SPATC1: variants seen among roughly 807,000 people sequenced by gnomAD.
SPATC1 encodes spermatogenesis and centriole associated 1.
SPATC1 carries 35 observed loss-of-function variants against 36.5 expected under a neutral mutation model. That is an observed-to-expected ratio of 0.96 (90% CI 0.73 to 1.27). The LOEUF (loss-of-function observed/expected upper bound fraction) is 1.27. Among genes scored for constraint, SPATC1 ranks in the 50% most tolerant of loss-of-function variants. The pLI is 0.00. For missense variants in SPATC1, 779 were observed against 796.0 expected (o/e 0.98, Z 0.26); for synonymous variants, 361 against 353.6 (o/e 1.02, Z -0.24).
In SPATC1 at chr8:144,016,059, T is replaced by C. The variant is rs1834384045; in HGVS notation, c.211+3333T>C. Among the ~76,000 whole-genome samples, 1 of 136,118 alleles carries C rather than the reference T, an allele frequency of 7.3e-6. No homozygotes were observed. The highest frequency in any genetic ancestry group is 2.1e-4 in the East Asian group (1 of 4,822). The allele number at this position is 136,118 out of a possible 152,430, so 89.3% of individuals were successfully genotyped here. A position where few individuals can be genotyped will look rare whatever the true frequency, so the allele number is the denominator to read the frequency against. ...CCTGGGCTGGAGACTTTTGAGACTC[T>C]GTCTCAAAAAAAAAAAAAAGAAAAA... On this transcript the variant is annotated intron_variant, in intron 1 of 4. Transcript: ENST00000377470. The surrounding 1 kb of genome is among the most constrained non-coding windows in gnomAD (Gnocchi z 4.5).
intron 1 of SPATC1, among the ~76,000 whole-genome samples, chr8:144,037,133 C>T (rs1301320489): frequency 3.4e-5 from 4 of 116,330 alleles, no homozygotes; most frequent in Admixed American, 2.4e-4. Context: ...CCGCCCCGTC[C>T]GGGAGGGAGG....
At chr8:144,044,512 G>A (rs1196052731) in intron 4 of SPATC1, among the ~76,000 whole-genome samples, 3 of 150,284 alleles carry the variant, frequency 2.0e-5, no homozygotes, top group Admixed American at 2.0e-4. Context: ...GTTTCACAGT[G>A]TTCGCCAGGA....
chr8:144,047,023 A>G lies in SPATC1; in HGVS notation c.*67A>G. The G allele has an allele frequency of 6.6e-7, 1 of 1,523,336 alleles. No individual in the cohort carries two copies. The highest frequency in any genetic ancestry group is 1.8e-5 in the Admixed American group (1 of 54,148). 94.4% of individuals were successfully genotyped at this position (1,523,336 alleles called of 1,614,324 possible). On this transcript the variant is annotated 3_prime_UTR_variant, in exon 5 of 5. Transcript: ENST00000377470. This position sits in a 1 kb window ranked among gnomAD's most constrained non-coding sequence, Gnocchi z 4.1. ...CTGTGCACGGCCATTAAAGCTTCCC[A>G]CAGACACTGGTCGCTGGGCCTGTGC...
rs797036957 is a variant in SPATC1, at chr8:144,043,299, A to AT, written c.1446+1941dup. Among the ~76,000 whole-genome samples, 682 of 127,798 alleles carry AT rather than the reference A, an allele frequency of 5.3e-3. 2 individuals carry two copies. Among genetic ancestry groups the AT allele is most frequent in the African/African-American group, 8.6e-3 (275 of 31,820 alleles). 83.8% of individuals were successfully genotyped at this position (127,798 alleles called of 152,430 possible). On this transcript the variant is annotated intron_variant, in intron 4 of 4. Transcript: ENST00000377470. ...CGTGAGCCACGGTGCCCAGCCTTACATTTTTTTTTTTTTGCTCTGTCACCC... is the reference window on the plus strand; with the variant it reads ...CGTGAGCCACGGTGCCCAGCCTTACATTTTTTTTTTTTTTGCTCTGTCACCC...
chr8:144,017,157 C>T (rs115079341), intron 1 of SPATC1, among the ~76,000 whole-genome samples: 5,313 of 152,140 alleles, frequency 0.035, 340 homozygotes, highest in African/African-American at 0.12. Flanking sequence ...ACCCTAACTG[C>T]TTGGATGTGA....
chr8:144,037,194 G>T (rs1380839278), intron 1 of SPATC1, among the ~76,000 whole-genome samples: 16 of 142,522 alleles, frequency 1.1e-4, no homozygotes, highest in Non-Finnish European at 2.0e-4. Context: ...GGAGGGAGGT[G>T]GGGGGGTCAG....
intron 4 of SPATC1, among the ~76,000 whole-genome samples, chr8:144,042,311 A>ATTTTTTTTTTTTTTTTTT (rs1184651892): frequency 4.2e-5 from 1 of 23,882 alleles, no homozygotes; most frequent in African/African-American, 2.4e-4. Flanking sequence ...ATATATATAT[A>ATTTTTTTTTTTTTTTTTT]TTTTTTTTTT....
At position 144,016,321 on chromosome 8, in the gene SPATC1, G is replaced by A. The variant is rs941797091; in HGVS notation, c.211+3595G>A. Among the ~76,000 whole-genome samples, 1 of 152,208 alleles carries A rather than the reference G, an allele frequency of 6.6e-6. No homozygotes were observed. The highest frequency in any genetic ancestry group is 1.9e-4 in the East Asian group (1 of 5,176). ...TCTGCTTTGACGGTGTGTGATTTGT[G>A]AGTGAATGTGTGCATATGGCTCTGT... On this transcript the variant is annotated intron_variant, in intron 1 of 4. Transcript: ENST00000377470. This position sits in a 1 kb window ranked among gnomAD's most constrained non-coding sequence, Gnocchi z 4.5.
At chr8:144,041,692 C>T (rs562415510) in intron 4 of SPATC1, among the ~76,000 whole-genome samples, 8 of 152,244 alleles carry the variant, frequency 5.3e-5, no homozygotes, top group African/African-American at 1.9e-4. Context: ...CTGTGCCATG[C>T]GTGTGGCAGG....
chr8:144,037,159 C>T (rs1406844983), intron 1 of SPATC1, among the ~76,000 whole-genome samples: 1 of 129,652 alleles, frequency 7.7e-6, no homozygotes, highest in Non-Finnish European at 1.6e-5. Context: ...GGGTCAGCCC[C>T]CCACCCAGCC....
chr8:144,017,252 GC>G (rs1834413347), intron 1 of SPATC1, among the ~76,000 whole-genome samples: 1 of 152,160 alleles, frequency 6.6e-6, no homozygotes, highest in Non-Finnish European at 1.5e-5. Flanking sequence ...TCTTTCTCTG[GC>G]CACTTCCTCA....
intron 1 of SPATC1, among the ~76,000 whole-genome samples, chr8:144,028,002 G>T (rs1471070207): frequency 2.6e-5 from 4 of 151,610 alleles, no homozygotes; most frequent in Non-Finnish European, 4.4e-5. Context: ...AAAAAAAAAA[G>T]ATTATTTTAT....
At chr8:144,042,323 T>A (rs1343966060) in intron 4 of SPATC1, among the ~76,000 whole-genome samples, 4 of 114,988 alleles carry the variant, frequency 3.5e-5, no homozygotes, top group African/African-American at 1.2e-4. Flanking sequence ...TTTTTTTTTT[T>A]TTTTTTTTTT....
intron 1 of SPATC1, among the ~76,000 whole-genome samples, chr8:144,024,206 C>A (rs1834623620): frequency 6.6e-6 from 1 of 150,816 alleles, no homozygotes; most frequent in African/African-American, 2.4e-5. Flanking sequence ...TCTCTTCCCT[C>A]AGGACCCTCT....
chr8:144,014,408 AAGG>A lies in SPATC1; in HGVS notation c.211+1694_211+1696del, dbSNP rs1338327360. On this transcript the variant is annotated intron_variant, in intron 1 of 4. Transcript: ENST00000377470. ...GGAGGAGAAGAAGAACAAGAAGAAG[AAGG>A]AGGAGGAGGAGAGGAAGAAAGAAGG... 1.1e-4 allele frequency among the ~76,000 whole-genome samples: 16 copies of A among 150,336 alleles called. No homozygotes were observed. In the South Asian group the frequency reaches 1.5e-3, roughly 14 times the overall value.
chr8:144,040,453 C>A lies in SPATC1; in HGVS notation c.756C>A (p.Ala252=). The change falls in exon 2 of 5, where the codon GCC becomes GCA. Residue 252 remains alanine, a synonymous_variant. Transcript: ENST00000377470. Reference sequence around the variant, plus strand: ...CCCCAGCTTGCGTGGTACCCACTGCCACCACCAAAGGTAACAGGTGTGGTG... The same window carrying A: ...CCCCAGCTTGCGTGGTACCCACTGCAACCACCAAAGGTAACAGGTGTGGTG... ...PQSPACVVPT[A]TTKVPLSTEP... 6.3e-7 allele frequency: 1 copy of A among 1,598,534 alleles called. No individual in the cohort carries two copies. The highest frequency in any genetic ancestry group is 1.1e-5 in the South Asian group (1 of 89,020).
chr8:144,038,313 G>T (rs1177894370), intron 1 of SPATC1, among the ~76,000 whole-genome samples: 1 of 148,768 alleles, frequency 6.7e-6, no homozygotes, highest in Non-Finnish European at 1.5e-5. Flanking sequence ...CACACCTGTA[G>T]TCCCAGCTAC....
At chr8:144,021,297 G>A (rs1834527665) in intron 1 of SPATC1, among the ~76,000 whole-genome samples, 1 of 150,128 alleles carries the variant, frequency 6.7e-6, no homozygotes, top group Non-Finnish European at 1.5e-5. Flanking sequence ...TCTCCCCTCA[G>A]GACCCTCTTC....
At chr8:144,028,161 CAG>C (rs1834723473) in intron 1 of SPATC1, among the ~76,000 whole-genome samples, 3 of 152,178 alleles carry the variant, frequency 2.0e-5, no homozygotes, top group South Asian at 2.1e-4. Flanking sequence ...GATTTCATGA[CAG>C]AAACTTCAAA....
Sources: gnomAD v4.1 joint callset for allele counts (sites outside exome capture counted in the v4.1 genomes callset) on GRCh38, gnomAD v4.1.1 for gene constraint, Gnocchi (gnomAD v3.1) non-coding constraint, MANE v1.5 for transcripts, NCBI Gene and HGNC (gene_info 2026-07-23, HGNC 2026-07-21) for gene names.